TXNDC16: variants seen among roughly 807,000 people sequenced by gnomAD.
The protein encoded by TXNDC16 is thioredoxin domain containing 16.
TXNDC16 carries 74 observed loss-of-function variants against 85.6 expected under a neutral mutation model. That is an observed-to-expected ratio of 0.86 (90% CI 0.72 to 1.05). The LOEUF (loss-of-function observed/expected upper bound fraction) is 1.05, where lower values mean the gene tolerates loss of function less well. TXNDC16 is among the 50% of genes least tolerant of loss of function. The pLI is 0.00. For synonymous variants in TXNDC16, 335 were observed against 326.5 expected (o/e 1.03, Z -0.28); for missense variants, 959 against 947.0 (o/e 1.01, Z -0.17).
At chr14:52,540,560 G>A in intron 4 of TXNDC16, among the ~76,000 whole-genome samples, 1 of 152,166 alleles carries the variant, frequency 6.6e-6, no homozygotes, top group Non-Finnish European at 1.5e-5. Context: ...AGGAGGCAGA[G>A]GTTGCAGTGA....
chr14:52,453,555 G>A (rs1438124475), intron 18 of TXNDC16, among the ~76,000 whole-genome samples: 4 of 152,208 alleles, frequency 2.6e-5, no homozygotes, highest in African/African-American at 9.6e-5. Context: ...AGGTCATGAT[G>A]TTAAATTAGA....
At chr14:52,481,618 A>AATCC (rs1217839880) in intron 14 of TXNDC16, among the ~76,000 whole-genome samples, 1 of 152,150 alleles carries the variant, frequency 6.6e-6, no homozygotes, top group African/African-American at 2.4e-5. Flanking sequence ...AAGCACACCT[A>AATCC]ATCCATTATT....
intron 14 of TXNDC16, among the ~76,000 whole-genome samples, chr14:52,476,312 C>G (rs2036019833): frequency 6.6e-6 from 1 of 152,010 alleles, no homozygotes; most frequent in African/African-American, 2.4e-5. Context: ...AGCTCTCCAG[C>G]AATGGATCCA....
intron 16 of TXNDC16, among the ~76,000 whole-genome samples, chr14:52,465,588 T>A (rs1166212865): frequency 3.3e-5 from 4 of 121,266 alleles, no homozygotes; most frequent in African/African-American, 1.3e-4. Flanking sequence ...CAAGACTCCA[T>A]CTCAAAAAAA....
intron 12 of TXNDC16, among the ~76,000 whole-genome samples, chr14:52,486,904 T>C (rs938435673): frequency 2.6e-5 from 4 of 152,202 alleles, no homozygotes; most frequent in Admixed American, 1.3e-4. Flanking sequence ...ATACATTGTA[T>C]GTATTGAAAC....
chr14:52,440,145 C>T (rs2035133005), intron 19 of TXNDC16, among the ~76,000 whole-genome samples: 1 of 152,132 alleles, frequency 6.6e-6, no homozygotes, highest in African/African-American at 2.4e-5. Context: ...TGTTCACAGA[C>T]ATTAAATGTA....
At position 52,440,187 on chromosome 14, in the gene TXNDC16, G is replaced by A. The variant is rs77053358; in HGVS notation, c.2003+377C>T. On this transcript the variant is annotated intron_variant, in intron 19 of 20. Coordinates refer to ENST00000281741, the MANE Select transcript of TXNDC16 (RefSeq NM_020784.3). ...TCCATACATCTAGAAAACATACTAG[G>A]AAATATTGCTGATGAATGCACTGAA... Among the ~76,000 whole-genome samples the A allele has an allele frequency of 0.011, 1,634 of 152,228 alleles. 91 individuals carry two copies. In the East Asian group the frequency reaches 0.17, roughly 15 times the overall value.
At chr14:52,499,968 A>G (rs1035725234) in intron 9 of TXNDC16, among the ~76,000 whole-genome samples, 1 of 152,060 alleles carries the variant, frequency 6.6e-6, no homozygotes, top group Non-Finnish European at 1.5e-5. Context: ...TTATATTTTT[A>G]TTTTTATTGG....
intron 4 of TXNDC16, among the ~76,000 whole-genome samples, chr14:52,540,365 C>T (rs1416609218): frequency 6.6e-6 from 1 of 152,216 alleles, no homozygotes; most frequent in Non-Finnish European, 1.5e-5. Context: ...TGGCTCATGC[C>T]TGTAATCCCA....
chr14:52,478,451 AAG>A (rs1369911877), intron 14 of TXNDC16, among the ~76,000 whole-genome samples: 1 of 152,156 alleles, frequency 6.6e-6, no homozygotes, highest in Non-Finnish European at 1.5e-5. Context: ...AAGAAAAGAA[AAG>A]AGGAAATCCA....
chr14:52,547,179 C>G (rs1340079394), intron 1 of TXNDC16, among the ~76,000 whole-genome samples: 1 of 152,090 alleles, frequency 6.6e-6, no homozygotes, highest in Non-Finnish European at 1.5e-5. Flanking sequence ...GGTCACAAAG[C>G]AAACTGACAA....
At chr14:52,494,428 C>T (rs1471532781) in intron 9 of TXNDC16, among the ~76,000 whole-genome samples, 1 of 152,158 alleles carries the variant, frequency 6.6e-6, no homozygotes, top group African/African-American at 2.4e-5. Flanking sequence ...TGAGAACAAC[C>T]CCTGTCCAAC....
chr14:52,462,400 C>T lies in TXNDC16; in HGVS notation c.1619-5226G>A, dbSNP rs182025999. Among the ~76,000 whole-genome samples, 16 of 152,274 alleles carry T rather than the reference C, an allele frequency of 1.1e-4. No individual in the cohort carries two copies. The East Asian group carries it at 1.2e-3, about 11-fold the overall frequency. Reference sequence around the variant, plus strand: ...CACAATCTTGGCTCATTGCAATCTCCGCCTCCTGGGTTGAAGCAATTCTTA... The same window carrying T: ...CACAATCTTGGCTCATTGCAATCTCTGCCTCCTGGGTTGAAGCAATTCTTA... On this transcript the variant is annotated intron_variant, in intron 16 of 20. Coordinates refer to ENST00000281741, the MANE Select transcript of TXNDC16 (RefSeq NM_020784.3).
chr14:52,438,985 T>C (rs1038306299), intron 20 of TXNDC16, among the ~76,000 whole-genome samples: 5 of 152,190 alleles, frequency 3.3e-5, no homozygotes, highest in Non-Finnish European at 7.4e-5. Flanking sequence ...ACAAGTAACA[T>C]GGACTCAATG....
chr14:52,480,167 G>A (rs1594713746), intron 14 of TXNDC16, among the ~76,000 whole-genome samples: 1 of 152,140 alleles, frequency 6.6e-6, no homozygotes, highest in East Asian at 1.9e-4. Context: ...AACTCAAGAT[G>A]GAGCAAAGAC....
intron 14 of TXNDC16, among the ~76,000 whole-genome samples, chr14:52,473,509 T>C (rs918474337): frequency 6.6e-6 from 1 of 152,212 alleles, no homozygotes; most frequent in South Asian, 2.1e-4. Context: ...AAAACTTTGA[T>C]GTTATCTTTA....
At position 52,440,576 on chromosome 14, in the gene TXNDC16, C is replaced by A; in HGVS notation, c.1991G>T (p.Cys664Phe). 6.2e-7 allele frequency: 1 copy of A among 1,600,472 alleles called. No homozygotes were observed. The highest frequency in any genetic ancestry group is 1.1e-5 in the South Asian group (1 of 87,710). The change falls in exon 19 of 21, where the codon TGC becomes TTC. Residue 664 changes from cysteine (C) to phenylalanine (F), a missense_variant. By Grantham distance (205) the Cys-to-Phe change is radical. Transcript: ENST00000281741. ...AACACATACTTACAGATTTAACCAG[C>A]ATGGAGTAAATGAATCCAAGTATTT... is the stretch of plus-strand genomic sequence containing the variant. ...KQKYLDSFTP[C>F]WLNLKNTPVG... is the part of the protein sequence containing the mutation.
At chr14:52,491,344 G>C (rs2036400967) in intron 9 of TXNDC16, among the ~76,000 whole-genome samples, 2 of 133,492 alleles carry the variant, frequency 1.5e-5, no homozygotes, top group South Asian at 4.9e-4. Context: ...ACCATGCCTA[G>C]CTTTTTTTTT....
At chr14:52,452,232 T>C (rs1008688220) in intron 18 of TXNDC16, among the ~76,000 whole-genome samples, 2 of 152,208 alleles carry the variant, frequency 1.3e-5, no homozygotes, top group African/African-American at 4.8e-5. Context: ...GAAGAATCAC[T>C]GTTGTTAAAA....
Sources: gnomAD v4.1 joint callset for allele counts (sites outside exome capture counted in the v4.1 genomes callset) on GRCh38, gnomAD v4.1.1 for gene constraint, MANE v1.5 for transcripts, NCBI Gene and HGNC (gene_info 2026-07-23, HGNC 2026-07-21) for gene names.